RAB3C: variants seen among roughly 807,000 people sequenced by gnomAD.
RAB3C encodes the protein RAB3C, member RAS oncogene family, also known as ras-related protein Rab-3C.
RAB3C carries 17 observed loss-of-function variants against 26.4 expected under a neutral mutation model. That is an observed-to-expected ratio of 0.64 (90% CI 0.44 to 0.97). The LOEUF (loss-of-function observed/expected upper bound fraction) is 0.97. RAB3C is among the 50% of genes least tolerant of loss of function. RAB3C has a pLI of 0.00. For synonymous variants in RAB3C, 91 were observed against 95.9 expected (o/e 0.95, Z 0.30); for missense variants, 242 against 281.9 (o/e 0.86, Z 1.01).
At chr5:58,640,803 C>T (rs995632109) in intron 2 of RAB3C, among the ~76,000 whole-genome samples, 3 of 152,138 alleles carry the variant, frequency 2.0e-5, no homozygotes, top group African/African-American at 7.2e-5. Flanking sequence ...ATAAAGAGGA[C>T]ATCAATTCTT....
chr5:58,813,975 CA>C (rs1483023749), intron 3 of RAB3C, among the ~76,000 whole-genome samples: 2 of 152,176 alleles, frequency 1.3e-5, no homozygotes, highest in Non-Finnish European at 2.9e-5. Flanking sequence ...ATGACAAAAG[CA>C]GAGATAACCT....
chr5:58,797,339 CAAAAA>C (rs1206716376), intron 3 of RAB3C, among the ~76,000 whole-genome samples: 235 of 12,758 alleles, frequency 0.018, 13 homozygotes, highest in East Asian at 0.12. Flanking sequence ...CCCTGGAAGA[CAAAAA>C]AAAAAAAAAA....
intron 2 of RAB3C, among the ~76,000 whole-genome samples, chr5:58,688,506 A>C (rs571248928): frequency 6.6e-6 from 1 of 152,092 alleles, no homozygotes; most frequent in East Asian, 1.9e-4. Flanking sequence ...TTGAAAGCCA[A>C]CTGTTTTATG....
intron 2 of RAB3C, among the ~76,000 whole-genome samples, chr5:58,664,282 C>A (rs1747960891): frequency 6.6e-6 from 1 of 152,112 alleles, no homozygotes; most frequent in Admixed American, 6.5e-5. Context: ...TCGAATACAA[C>A]TGAGCGATAA....
chr5:58,810,309 G>A (rs1001305599), intron 3 of RAB3C, among the ~76,000 whole-genome samples: 2 of 151,766 alleles, frequency 1.3e-5, no homozygotes, highest in African/African-American at 4.8e-5. Flanking sequence ...GGCACACCTT[G>A]AAAATAGTGG....
intron 3 of RAB3C, among the ~76,000 whole-genome samples, chr5:58,735,986 G>C (rs894226695): frequency 2.0e-5 from 3 of 152,164 alleles, no homozygotes; most frequent in Non-Finnish European, 4.4e-5. Flanking sequence ...TTCCTGCCTT[G>C]TGAGAGCCAG....
intron 1 of RAB3C, among the ~76,000 whole-genome samples, chr5:58,593,603 G>T (rs1458441092): frequency 1.1e-4 from 17 of 152,068 alleles, no homozygotes; most frequent in Admixed American, 1.0e-3. Context: ...TTTTAACAAG[G>T]TGCAAAATTG....
intron 3 of RAB3C, among the ~76,000 whole-genome samples, chr5:58,796,310 T>C (rs1343591504): frequency 1.3e-5 from 2 of 152,164 alleles, no homozygotes; most frequent in African/African-American, 4.8e-5. Context: ...ATATGTAGCA[T>C]TAGAGAAATG....
At chr5:58,758,991 C>A (rs80059410) in intron 3 of RAB3C, among the ~76,000 whole-genome samples, 2,229 of 152,264 alleles carry the variant, frequency 0.015, 40 homozygotes, top group African/African-American at 0.049. Flanking sequence ...CAGTGACCAC[C>A]TATCAGTAAC....
chr5:58,853,008 T>C lies in RAB3C; in HGVS notation c.*1657T>C, dbSNP rs182809648. On this transcript the variant is annotated 3_prime_UTR_variant, in exon 5 of 5. Coordinates refer to ENST00000282878, the MANE Select transcript of RAB3C (RefSeq NM_138453.4). Reference sequence around the variant, plus strand: ...ACATTAGTAAGTCAAAAGTTGGAAATTAGGGGAGAGAGCATTTGGAATGCT... The same window carrying C: ...ACATTAGTAAGTCAAAAGTTGGAAACTAGGGGAGAGAGCATTTGGAATGCT... The C allele has an allele frequency of 1.3e-5, 2 of 152,320 alleles. No individual in the cohort carries two copies. Among genetic ancestry groups the C allele is most frequent in the East Asian group, 3.9e-4 (2 of 5,182 alleles). 9.4% of individuals were successfully genotyped at this position (152,320 alleles called of 1,614,324 possible).
chr5:58,723,135 G>A (rs1362160944), intron 2 of RAB3C, among the ~76,000 whole-genome samples: 2 of 151,700 alleles, frequency 1.3e-5, no homozygotes, highest in African/African-American at 2.4e-5. Context: ...ATCATTTGAT[G>A]TTCTATCATT....
chr5:58,726,760 G>T (rs1044425219), intron 3 of RAB3C, among the ~76,000 whole-genome samples: 3 of 152,114 alleles, frequency 2.0e-5, no homozygotes, highest in African/African-American at 4.8e-5. Context: ...ACTCATAGCT[G>T]CATGAAACTA....
At chr5:58,837,956 A>G (rs1279178415) in intron 4 of RAB3C, among the ~76,000 whole-genome samples, 2 of 152,134 alleles carry the variant, frequency 1.3e-5, no homozygotes, top group African/African-American at 4.8e-5. Flanking sequence ...GTAGTCTCTT[A>G]TGATCCTTTA....
At chr5:58,608,967 A>G (rs1306062508) in intron 1 of RAB3C, among the ~76,000 whole-genome samples, 1 of 151,552 alleles carries the variant, frequency 6.6e-6, no homozygotes, top group Non-Finnish European at 1.5e-5. Flanking sequence ...GCATGTTCTC[A>G]CTCTTAGGTG....
At chr5:58,716,601 C>A (rs1314920257) in intron 2 of RAB3C, among the ~76,000 whole-genome samples, 3 of 151,836 alleles carry the variant, frequency 2.0e-5, no homozygotes, top group Non-Finnish European at 4.4e-5. Context: ...ATATGTAACA[C>A]CCTGTTTAAG....
intron 1 of RAB3C, among the ~76,000 whole-genome samples, chr5:58,591,164 A>C (rs1047587720): frequency 3.9e-5 from 6 of 152,152 alleles, no homozygotes; most frequent in Non-Finnish European, 5.9e-5. Context: ...TTAGTTCAGC[A>C]TGTGGACTGA....
intron 4 of RAB3C, among the ~76,000 whole-genome samples, chr5:58,837,345 C>A (rs1319854104): frequency 6.6e-6 from 1 of 151,796 alleles, no homozygotes; most frequent in Non-Finnish European, 1.5e-5. Context: ...TCACTCCTGG[C>A]TAATTTTTAT....
rs1173604247 is a variant in RAB3C at position 58,745,392 on chromosome 5, C to CAAAAAAAAA, written c.371+19291_371+19299dup. Among the ~76,000 whole-genome samples, 329 of 33,108 alleles carry CAAAAAAAAA rather than the reference C, an allele frequency of 9.9e-3. 13 individuals are homozygous for CAAAAAAAAA. Among genetic ancestry groups the CAAAAAAAAA allele is most frequent in the African/African-American group, 0.029 (316 of 10,758 alleles). The allele number at this position is 33,108 out of a possible 152,430, so 21.7% of individuals were successfully genotyped here. A position where few individuals can be genotyped will look rare whatever the true frequency, so the allele number is the denominator to read the frequency against. ...GCCTGGGCTGAGCGAGACTCTGCTT[C>CAAAAAAAAA]AAAAAAAAAAAAAAAAAAAAAAAAA... On this transcript the variant is annotated intron_variant, in intron 3 of 4. Transcript: ENST00000282878.
intron 3 of RAB3C, among the ~76,000 whole-genome samples, chr5:58,774,931 G>A (rs1420916554): frequency 2.0e-5 from 3 of 152,098 alleles, no homozygotes; most frequent in Non-Finnish European, 4.4e-5. Context: ...GTGAAGCATC[G>A]TGACTAAGGA....
Sources: gnomAD v4.1 joint callset for allele counts (sites outside exome capture counted in the v4.1 genomes callset) on GRCh38, gnomAD v4.1.1 for gene constraint, MANE v1.5 for transcripts, NCBI Gene and HGNC (gene_info 2026-07-23, HGNC 2026-07-21) for gene names.